The following AKT3 variants were observed in gnomAD, a reference collection of about 807,000 sequenced individuals.
AKT3 encodes AKT serine/threonine kinase 3, also known as RAC-gamma serine/threonine-protein kinase.
AKT3 carries 15 observed loss-of-function variants against 65.3 expected under a neutral mutation model. The observed-to-expected ratio is 0.23, with a 90% CI of 0.15 to 0.35. The LOEUF is 0.35. AKT3 is among the 10% of genes least tolerant of loss of function. The pLI, the probability that AKT3 is intolerant of heterozygous loss-of-function variation, is 1.00. For missense variants in AKT3, 243 were observed against 576.5 expected (o/e 0.42, Z 5.92); for synonymous variants, 206 against 183.8 (o/e 1.12, Z -0.98).
intron 9 of AKT3, among the ~76,000 whole-genome samples, chr1:243,569,631 G>T (rs916350093): frequency 2.0e-5 from 3 of 152,140 alleles, no homozygotes; most frequent in African/African-American, 7.2e-5. Context: ...AAATTTATTT[G>T]GTGCTTTCTC....
chr1:243,778,081 A>G (rs1690670936), intron 2 of AKT3, among the ~76,000 whole-genome samples: 1 of 152,146 alleles, frequency 6.6e-6, no homozygotes, highest in South Asian at 2.1e-4. Context: ...CTTGCCTATT[A>G]CCTCACTTAG....
At chr1:243,766,554 A>C (rs1689838713) in intron 2 of AKT3, among the ~76,000 whole-genome samples, 1 of 152,182 alleles carries the variant, frequency 6.6e-6, no homozygotes, top group African/African-American at 2.4e-5. Context: ...CAAACATTAC[A>C]ATGTCTCATG....
intron 5 of AKT3, among the ~76,000 whole-genome samples, chr1:243,645,110 T>G (rs538931561): frequency 4.6e-5 from 7 of 152,270 alleles, no homozygotes; most frequent in Non-Finnish European, 1.0e-4. Context: ...GCAGTCTATC[T>G]CCAAAGAGTT....
At chr1:243,582,864 C>T (rs1675479613) in intron 8 of AKT3, among the ~76,000 whole-genome samples, 2 of 151,808 alleles carry the variant, frequency 1.3e-5, no homozygotes, top group African/African-American at 4.8e-5. Flanking sequence ...CTTCAAGAGA[C>T]CCATCTTATA....
intron 12 of AKT3, among the ~76,000 whole-genome samples, chr1:243,523,344 T>C (rs1299586877): frequency 2.0e-5 from 3 of 149,476 alleles, no homozygotes; most frequent in African/African-American, 7.4e-5. Flanking sequence ...AGGCTCCCCT[T>C]GCAGGTTTGT....
At chr1:243,726,364 G>C (rs1331790412) in intron 2 of AKT3, among the ~76,000 whole-genome samples, 4 of 152,138 alleles carry the variant, frequency 2.6e-5, no homozygotes, top group Non-Finnish European at 5.9e-5. Context: ...GTGGGAAAAA[G>C]TTGTGGGGTT....
chr1:243,764,497 T>C (rs553589018), intron 2 of AKT3, among the ~76,000 whole-genome samples: 15 of 152,184 alleles, frequency 9.9e-5, no homozygotes, highest in Admixed American at 7.9e-4. Context: ...CACAAATACG[T>C]TGGTAGGAAA....
chr1:243,742,059 T>TAAAAAAAAAAAAAAAAAAAATA (rs36056068), intron 2 of AKT3, among the ~76,000 whole-genome samples: 1 of 125,586 alleles, frequency 8.0e-6, no homozygotes, highest in African/African-American at 3.1e-5. Context: ...GATAGAAAAT[T>TAAAAAAAAAAAAAAAAAAAATA]AAAAAAAAAA....
intron 2 of AKT3, among the ~76,000 whole-genome samples, chr1:243,733,482 C>T (rs576238283): frequency 2.0e-5 from 3 of 152,308 alleles, no homozygotes; most frequent in Admixed American, 6.5e-5. Flanking sequence ...ACAGCTGTAA[C>T]TACATTGCAC....
chr1:243,561,814 T>C (rs751573449), intron 10 of AKT3, among the ~76,000 whole-genome samples: 4 of 152,172 alleles, frequency 2.6e-5, no homozygotes, highest in East Asian at 1.9e-4. Flanking sequence ...TCACTTTCGC[T>C]GAACATAGTA....
chr1:243,830,390 C>T (rs1256933606), intron 2 of AKT3, among the ~76,000 whole-genome samples: 1 of 152,026 alleles, frequency 6.6e-6, no homozygotes, highest in African/African-American at 2.4e-5. Flanking sequence ...ACAACTGTAC[C>T]GTGTATGAGA....
At chr1:243,555,367 T>C (rs988613504) in intron 10 of AKT3, among the ~76,000 whole-genome samples, 2 of 152,160 alleles carry the variant, frequency 1.3e-5, no homozygotes, top group Non-Finnish European at 2.9e-5. Context: ...TGGATACATA[T>C]GTTCCCACTA....
intron 1 of AKT3, among the ~76,000 whole-genome samples, chr1:243,846,743 A>G (rs1360561160): frequency 6.6e-6 from 1 of 152,202 alleles, no homozygotes; most frequent in Non-Finnish European, 1.5e-5. Context: ...AATTTTGCAA[A>G]TTTAGAATTA....
At chr1:243,757,951 C>T (rs555737605) in intron 2 of AKT3, among the ~76,000 whole-genome samples, 3 of 152,022 alleles carry the variant, frequency 2.0e-5, no homozygotes, top group Non-Finnish European at 2.9e-5. Flanking sequence ...TCAGTAGAGA[C>T]GGAGTTTCGC....
At chr1:243,609,424 G>A (rs975547852) in intron 8 of AKT3, among the ~76,000 whole-genome samples, 2 of 151,920 alleles carry the variant, frequency 1.3e-5, no homozygotes, top group Non-Finnish European at 2.9e-5. Context: ...CAGGGAGGCC[G>A]AGGTGGGCAG....
intron 2 of AKT3, among the ~76,000 whole-genome samples, chr1:243,757,747 C>A (rs1689228753): frequency 6.6e-6 from 1 of 151,494 alleles, no homozygotes; most frequent in South Asian, 2.1e-4. Context: ...CTTTTTGATA[C>A]AGATTTATCT....
rs1252961369 is a variant in AKT3, at chr1:243,501,745, C to T, written c.*3504G>A. On this transcript the variant is annotated 3_prime_UTR_variant, in exon 14 of 14. Coordinates refer to ENST00000673466, the MANE Select transcript of AKT3 (RefSeq NM_005465.7). Reference sequence around the variant, plus strand: ...GGGGGGATTATAGAACCACATCCAACAACAATAAACAGAGAAGTAGCAGAT... The same window carrying T: ...GGGGGGATTATAGAACCACATCCAATAACAATAAACAGAGAAGTAGCAGAT... 4.3e-6 allele frequency: 1 copy of T among 232,804 alleles called. No individual in the cohort carries two copies. The highest frequency in any genetic ancestry group is 2.2e-5 in the African/African-American group (1 of 45,322). The allele number at this position is 232,804 out of a possible 1,614,324, so 14.4% of individuals were successfully genotyped here.
At chr1:243,629,352 T>C (rs937025755) in intron 6 of AKT3, among the ~76,000 whole-genome samples, 24 of 152,176 alleles carry the variant, frequency 1.6e-4, no homozygotes, top group African/African-American at 5.3e-4. Context: ...AGAATCATTA[T>C]GGGAATTTAA....
At chr1:243,846,433 CATA>C (rs1457384389) in intron 1 of AKT3, among the ~76,000 whole-genome samples, 3 of 152,030 alleles carry the variant, frequency 2.0e-5, no homozygotes, top group Non-Finnish European at 2.9e-5. Flanking sequence ...ACTTTCCTCT[CATA>C]ATATTTAGAA....
Sources: gnomAD v4.1 joint callset for allele counts (sites outside exome capture counted in the v4.1 genomes callset) on GRCh38, gnomAD v4.1.1 for gene constraint, MANE v1.5 for transcripts, NCBI Gene and HGNC (gene_info 2026-07-23, HGNC 2026-07-21) for gene names.